Variants in GRB14 observed in about 807,000 individuals in gnomAD.
GRB14 encodes growth factor receptor bound protein 14.
Under a neutral mutation model 69.1 loss-of-function variants are expected in GRB14, and 38 were observed. The ratio of observed to expected loss-of-function variants is 0.55; its 90% CI spans 0.42 to 0.72. The LOEUF (loss-of-function observed/expected upper bound fraction) is 0.72, where lower values mean the gene tolerates loss of function less well. Among genes scored for constraint, GRB14 ranks in the 30% least tolerant of loss-of-function variants. The probability of loss-of-function intolerance (pLI) is 0.00; values close to 1 mark genes in which losing one functional copy is unlikely to be tolerated. For missense variants in GRB14, 666 were observed against 666.1 expected (o/e 1.00, Z 0.00); for synonymous variants, 247 against 241.3 (o/e 1.02, Z -0.22).
chr2:164,511,650 A>G (rs1481035400), intron 6 of GRB14, among the ~76,000 whole-genome samples: 1 of 152,142 alleles, frequency 6.6e-6, no homozygotes, highest in Non-Finnish European at 1.5e-5. Context: ...CCTAAGATAG[A>G]TCCTAAGACA....
chr2:164,557,954 G>A (rs148755797), intron 2 of GRB14, among the ~76,000 whole-genome samples: 3 of 152,170 alleles, frequency 2.0e-5, no homozygotes, highest in African/African-American at 7.2e-5. Context: ...CCAGCAACAG[G>A]CTAAAGAGTA....
At chr2:164,578,823 C>T (rs527250379) in intron 2 of GRB14, among the ~76,000 whole-genome samples, 2 of 152,106 alleles carry the variant, frequency 1.3e-5, no homozygotes. Context: ...TTCTGGTTCT[C>T]TATAGACTAA....
At chr2:164,589,200 A>G (rs1045503112) in intron 2 of GRB14, among the ~76,000 whole-genome samples, 4 of 152,190 alleles carry the variant, frequency 2.6e-5, no homozygotes, top group Non-Finnish European at 5.9e-5. Context: ...TATAATTATT[A>G]TATTTTTGCT....
intron 8 of GRB14, among the ~76,000 whole-genome samples, chr2:164,505,629 AT>A (rs991006779): frequency 1.2e-4 from 19 of 152,258 alleles, no homozygotes; most frequent in Admixed American, 7.2e-4. Context: ...CTACTTATAT[AT>A]TTTATTTTAT....
At chr2:164,580,539 T>A (rs62173866) in intron 2 of GRB14, among the ~76,000 whole-genome samples, 63,576 of 151,694 alleles carry the variant, frequency 0.42, 15,853 homozygotes, top group Non-Finnish European at 0.56. Context: ...ATCCCATTTC[T>A]ACTAAAAATA....
At chr2:164,537,540 T>C (rs1343589515) in intron 3 of GRB14, among the ~76,000 whole-genome samples, 3 of 152,090 alleles carry the variant, frequency 2.0e-5, no homozygotes. Context: ...ACAGAGGACC[T>C]TGGATCCAAA....
intron 2 of GRB14, among the ~76,000 whole-genome samples, chr2:164,590,941 A>G (rs1370057118): frequency 6.6e-6 from 1 of 152,204 alleles, no homozygotes; most frequent in Non-Finnish European, 1.5e-5. Flanking sequence ...TAACATGCTA[A>G]TACTTGGCTG....
rs190952799 is a variant in GRB14, at chr2:164,580,268, T to C, written c.325-32452A>G. On this transcript the variant is annotated intron_variant, in intron 2 of 13. Coordinates refer to ENST00000263915, the MANE Select transcript of GRB14 (RefSeq NM_004490.3). ...CAACCACACCGGGCTAATTTTTGCA[T>C]TTTTAGTAGAGACGGGGTTTTGCCA... Among the ~76,000 whole-genome samples, 361 of 152,036 alleles carry C rather than the reference T, an allele frequency of 2.4e-3. 2 individuals carry two copies. The highest frequency in any genetic ancestry group is 8.3e-3 in the African/African-American group (344 of 41,562).
At chr2:164,562,268 A>G (rs567836732) in intron 2 of GRB14, among the ~76,000 whole-genome samples, 3 of 152,332 alleles carry the variant, frequency 2.0e-5, no homozygotes, top group Admixed American at 6.5e-5. Flanking sequence ...TCCCCGTCTA[A>G]TACTCCTTAG....
In GRB14 at chr2:164,621,199, G is replaced by C. The variant is rs1422390604; in HGVS notation, c.111C>G (p.His37Gln). The C allele has an allele frequency of 2.4e-5, 30 of 1,243,540 alleles. No individual in the cohort carries two copies. Among genetic ancestry groups the C allele is most frequent in the Non-Finnish European group, 3.0e-5 (30 of 989,306 alleles). 77.0% of individuals were successfully genotyped at this position (1,243,540 alleles called of 1,614,324 possible). ...GCAGCCAGGGGGCCGGCGCCAGGTC[G>C]TGGGCGTCGCCCCTCCCCTGGGCAG... ...CGAAQGRGDAHDLAPAPWLHA... is the reference protein window; with the variant it reads ...CGAAQGRGDAQDLAPAPWLHA... Residue 37 changes from histidine to glutamine, a missense_variant, in exon 1 of 14, where the codon CAC (histidine) becomes CAG (glutamine). His to Gln is a conservative substitution (Grantham distance 24). Transcript: ENST00000263915. The surrounding 1 kb of genome is among the most constrained non-coding windows in gnomAD (Gnocchi z 6.0).
chr2:164,578,741 A>C (rs989853837), intron 2 of GRB14, among the ~76,000 whole-genome samples: 2 of 152,204 alleles, frequency 1.3e-5, no homozygotes, highest in Admixed American at 6.5e-5. Flanking sequence ...ATGGGAACAG[A>C]TGTTACGGAA....
At chr2:164,568,055 C>T (rs890723824) in intron 2 of GRB14, among the ~76,000 whole-genome samples, 1 of 152,162 alleles carries the variant, frequency 6.6e-6, no homozygotes, top group African/African-American at 2.4e-5. Flanking sequence ...AATACAGTCT[C>T]TAAATCACAG....
At chr2:164,535,958 C>G (rs1213428568) in intron 3 of GRB14, among the ~76,000 whole-genome samples, 2 of 152,168 alleles carry the variant, frequency 1.3e-5, no homozygotes, top group African/African-American at 2.4e-5. Flanking sequence ...CACAAAAATG[C>G]CTGCATATAT....
intron 9 of GRB14, among the ~76,000 whole-genome samples, chr2:164,500,328 A>AT (rs1424627489): frequency 5.9e-5 from 9 of 151,946 alleles, no homozygotes; most frequent in Non-Finnish European, 8.8e-5. Flanking sequence ...TGGTTTGAGA[A>AT]TTTTTTTTCT....
chr2:164,558,513 G>C (rs550489277), intron 2 of GRB14, among the ~76,000 whole-genome samples: 1 of 152,064 alleles, frequency 6.6e-6, no homozygotes, highest in Non-Finnish European at 1.5e-5. Flanking sequence ...TAAAGTTTCC[G>C]ATGATTTCAT....
intron 5 of GRB14, 35 bp from the exon 6 acceptor site, chr2:164,522,152 TA>T (rs1344814913): frequency 5.7e-6 from 7 of 1,228,396 alleles, no homozygotes; most frequent in Middle Eastern, 2.1e-4. Flanking sequence ...AAACTATGAT[TA>T]AATCAATGAT....
intron 3 of GRB14, among the ~76,000 whole-genome samples, chr2:164,527,381 GA>G (rs1307182752): frequency 6.6e-6 from 1 of 151,026 alleles, no homozygotes; most frequent in African/African-American, 2.4e-5. Flanking sequence ...TGTCTAGAAA[GA>G]AAAAAATGTA....
intron 3 of GRB14, 42 bp from the exon 4 acceptor site, chr2:164,527,177 ATATATATAT>A: frequency 8.5e-4 from 1 of 1,182 alleles, no homozygotes. Flanking sequence ...AGATAGACAA[ATATATATAT>A]ATATATATAT....
chr2:164,550,553 T>A (rs913188806), intron 2 of GRB14, among the ~76,000 whole-genome samples: 1 of 152,216 alleles, frequency 6.6e-6, no homozygotes, highest in Non-Finnish European at 1.5e-5. Flanking sequence ...AACTATTTTG[T>A]ACATCTATTG....
Sources: gnomAD v4.1 joint callset for allele counts (sites outside exome capture counted in the v4.1 genomes callset) on GRCh38, gnomAD v4.1.1 for gene constraint, Gnocchi (gnomAD v3.1) non-coding constraint, MANE v1.5 for transcripts, NCBI Gene and HGNC (gene_info 2026-07-23, HGNC 2026-07-21) for gene names.